Variants in PTPN9 observed in about 807,000 individuals in gnomAD.
PTPN9 encodes the protein protein tyrosine phosphatase non-receptor type 9.
A neutral mutation model predicts 69.8 loss-of-function variants in PTPN9; 26 were observed. The observed-to-expected ratio is 0.37, with a 90% CI of 0.27 to 0.52. PTPN9 has a LOEUF of 0.52. PTPN9 is among the 20% of genes least tolerant of loss of function. PTPN9 has a pLI of 0.91. For synonymous variants in PTPN9, 274 were observed against 272.5 expected (o/e 1.01, Z -0.05); for missense variants, 549 against 740.3 (o/e 0.74, Z 3.00).
chr15:75,551,111 A>AT (rs1266613002), intron 1 of PTPN9, among the ~76,000 whole-genome samples: 2 of 152,062 alleles, frequency 1.3e-5, no homozygotes, highest in Admixed American at 6.6e-5. Context: ...TTTTAAAAAA[A>AT]TTTTTTTCAG....
In PTPN9 at chr15:75,515,871, T is replaced by A. The variant is rs1312328148; in HGVS notation, c.528+1388A>T. Among the ~76,000 whole-genome samples, 3 of 151,958 alleles carry A rather than the reference T, an allele frequency of 2.0e-5. No homozygotes were observed. In the East Asian group the frequency reaches 5.8e-4, roughly 29 times the overall value. On this transcript the variant is annotated intron_variant, in intron 5 of 12. Coordinates refer to ENST00000618819, the MANE Select transcript of PTPN9 (RefSeq NM_002833.4). ...GACATCGCGCCACCGCACTCCAGCC[T>A]GGGCGACAAGAGCAAGACTCCATCT...
chr15:75,500,043 G>A (rs146007414), intron 7 of PTPN9, among the ~76,000 whole-genome samples: 126 of 152,254 alleles, frequency 8.3e-4, no homozygotes, highest in Middle Eastern at 6.8e-3. Flanking sequence ...GCCAGGCATG[G>A]TGGCTCACGC....
Position 75,512,754 on chromosome 15 carries a change from C to T in PTPN9, c.529-3727G>A, listed in dbSNP as rs187931261. The T allele has an allele frequency of 5.0e-3, 1,283 of 257,224 alleles. 8 individuals carry two copies. The highest frequency in any genetic ancestry group is 5.1e-3 in the Non-Finnish European group (660 of 128,736). The allele number at this position is 257,224 out of a possible 1,614,324, so 15.9% of individuals were successfully genotyped here. ...GTCTAGAAATATATATTTTTAAAAT[C>T]CCCCAGAAAAGACGCTATTCTCTCA... On this transcript the variant is annotated intron_variant, in intron 5 of 12. Transcript: ENST00000618819.
chr15:75,541,302 C>T (rs1039703718), intron 1 of PTPN9, among the ~76,000 whole-genome samples: 1 of 151,320 alleles, frequency 6.6e-6, no homozygotes, highest in African/African-American at 2.4e-5. Flanking sequence ...AGACTGGTGT[C>T]GCACTCCTGG....
At chr15:75,559,694 GCTGA>G (rs1224506840) in intron 1 of PTPN9, among the ~76,000 whole-genome samples, 1 of 146,304 alleles carries the variant, frequency 6.8e-6, no homozygotes, top group East Asian at 2.0e-4. Context: ...TTGTTTATCT[GCTGA>G]CCTTCCCTCC....
intron 1 of PTPN9, among the ~76,000 whole-genome samples, chr15:75,535,209 G>A (rs1318490654): frequency 6.6e-6 from 1 of 151,970 alleles, no homozygotes; most frequent in Non-Finnish European, 1.5e-5. Context: ...TGTTGGCCAG[G>A]ATGGTCTCGA....
chr15:75,479,908 A>C lies in PTPN9; in HGVS notation c.1069T>G (p.Tyr357Asp), dbSNP rs1212416571. The change falls in exon 9 of 13, where the codon TAC becomes GAC. Residue 357 changes from tyrosine to aspartate, a missense_variant. Tyr to Asp is a radical substitution (Grantham distance 160). This residue lies in a region of PTPN9 where 457 missense variants were observed against 661.9 expected (regional missense o/e 0.69). Coordinates refer to ENST00000618819, the MANE Select transcript of PTPN9 (RefSeq NM_002833.4). ...CCATCCATGAAACTGGCATTGATGT[A>C]ATCTGTCTAATGATAAAAAGGAGAC... The part of the protein sequence containing the change: ...TKRSGHTQTD[Y>D]INASFMDGYK... The C allele has an allele frequency of 6.2e-7, 1 of 1,604,508 alleles. No homozygotes were observed. The highest frequency in any genetic ancestry group is 8.5e-7 in the Non-Finnish European group (1 of 1,173,364).
At chr15:75,555,131 G>T (rs1480276188) in intron 1 of PTPN9, among the ~76,000 whole-genome samples, 1 of 152,170 alleles carries the variant, frequency 6.6e-6, no homozygotes, top group Non-Finnish European at 1.5e-5. Flanking sequence ...CATGATAAAT[G>T]CTAGTCTTTG....
At chr15:75,506,377 T>C (rs2074819880) in intron 6 of PTPN9, among the ~76,000 whole-genome samples, 1 of 152,218 alleles carries the variant, frequency 6.6e-6, no homozygotes, top group South Asian at 2.1e-4. Context: ...GTTATTTTTG[T>C]CAACCCCATA....
chr15:75,530,710 AT>A lies in PTPN9; in HGVS notation c.64-3450del, dbSNP rs1408961926. Among the ~76,000 whole-genome samples, 12 of 30,246 alleles carry A rather than the reference AT, an allele frequency of 4.0e-4. 3 individuals are homozygous for A. Among genetic ancestry groups the A allele is most frequent in the Admixed American group, 1.9e-3 (3 of 1,578 alleles). 19.8% of individuals were successfully genotyped at this position (30,246 alleles called of 152,430 possible). A position where few individuals can be genotyped will look rare whatever the true frequency, so the allele number is the denominator to read the frequency against. ...TATTATAATATATATAATATATATT[AT>A]TATATAATATATATAATATATATTA... On this transcript the variant is annotated intron_variant, in intron 1 of 12. Coordinates refer to ENST00000618819, the MANE Select transcript of PTPN9 (RefSeq NM_002833.4).
At position 75,505,821 on chromosome 15, in the gene PTPN9, G is replaced by T; in HGVS notation, c.822C>A (p.Asp274Glu). 1 of 1,614,190 alleles carries T rather than the reference G, an allele frequency of 6.2e-7. No homozygotes were observed. Among genetic ancestry groups the T allele is most frequent in the Non-Finnish European group, 8.5e-7 (1 of 1,180,014 alleles). ...GACCTGGAACATGTACTGAGTCCCA[G>T]TCTAAGGCAGGAGGGAGGGAGAACA... The part of the protein sequence containing the change: ...IILFSLPPAL[D>E]WDSVHVPGPH... The change falls in exon 7 of 13, where the codon GAC becomes GAA. Residue 274 changes from aspartate to glutamate, a missense_variant. This residue lies in a region of PTPN9 where 457 missense variants were observed against 661.9 expected (regional missense o/e 0.69). Transcript: ENST00000618819.
At chr15:75,474,953 A>C (rs893060143) in intron 9 of PTPN9, among the ~76,000 whole-genome samples, 1 of 152,100 alleles carries the variant, frequency 6.6e-6, no homozygotes, top group African/African-American at 2.4e-5. Context: ...CGTCACCTCC[A>C]ATGCTATTCA....
chr15:75,547,273 C>T (rs1232558574), intron 1 of PTPN9, among the ~76,000 whole-genome samples: 3 of 136,128 alleles, frequency 2.2e-5, no homozygotes, highest in Non-Finnish European at 4.7e-5. Context: ...TCAGCTTGGC[C>T]GACAGAGCAA....
At chr15:75,487,239 T>C (rs903271998) in intron 8 of PTPN9, 1 of 151,194 alleles carries the variant, frequency 6.6e-6, no homozygotes, top group Non-Finnish European at 1.5e-5. Context: ...AATAGCCCCA[T>C]AGGTGGAAAT....
chr15:75,539,696 G>A (rs1451134512), intron 1 of PTPN9, among the ~76,000 whole-genome samples: 1 of 151,628 alleles, frequency 6.6e-6, no homozygotes, highest in Non-Finnish European at 1.5e-5. Flanking sequence ...TTTTGAGATA[G>A]AATCTCCCTC....
intron 1 of PTPN9, among the ~76,000 whole-genome samples, chr15:75,560,080 C>A (rs1259697040): frequency 6.7e-6 from 1 of 150,048 alleles, no homozygotes; most frequent in East Asian, 2.0e-4. Context: ...GCGGAGGTTG[C>A]AGTGAGCTGA....
intron 1 of PTPN9, among the ~76,000 whole-genome samples, chr15:75,571,842 TGCTCCAGCCTGGTGACA>T (rs778228543): frequency 2.6e-5 from 4 of 152,036 alleles, no homozygotes; most frequent in Non-Finnish European, 5.9e-5. Context: ...TGTGCCATTG[TGCTCCAGCCTGGTGACA>T]GAGCAAGACT....
chr15:75,482,666 G>A (rs1457830518), intron 8 of PTPN9, among the ~76,000 whole-genome samples: 3 of 150,994 alleles, frequency 2.0e-5, no homozygotes, highest in Non-Finnish European at 4.4e-5. Context: ...CCTCTGCCTA[G>A]GAAAACCAGA....
chr15:75,567,792 CA>C (rs753511578), intron 1 of PTPN9, among the ~76,000 whole-genome samples: 4 of 151,426 alleles, frequency 2.6e-5, no homozygotes, highest in Non-Finnish European at 5.9e-5. Context: ...GTCAGGAGAT[CA>C]ATACCGTCCT....
Sources: allele counts gnomAD v4.1 joint callset (sites outside exome capture counted in the v4.1 genomes callset), GRCh38; gene constraint gnomAD v4.1.1; regional missense constraint gnomAD v4.1.1; transcripts MANE v1.5; gene names NCBI Gene and HGNC (gene_info 2026-07-23, HGNC 2026-07-21).